The following NRXN1 variants were observed in gnomAD, a reference collection of about 807,000 sequenced individuals.
The protein encoded by NRXN1 is neurexin-1.
Under a neutral mutation model 150.9 loss-of-function variants are expected in NRXN1, and 39 were observed. The observed-to-expected ratio is 0.26, with a 90% confidence interval of 0.20 to 0.34. NRXN1 has a LOEUF of 0.34. NRXN1 is among the 10% of genes least tolerant of loss of function. The pLI is 1.00. For missense variants in NRXN1, 1,815 were observed against 1,949.9 expected (o/e 0.93, Z 1.30); for synonymous variants, 924 against 757.0 (o/e 1.22, Z -3.62).
intron 5 of NRXN1, among the ~76,000 whole-genome samples, chr2:50,889,532 C>A (rs1446888180): frequency 6.6e-6 from 1 of 151,682 alleles, no homozygotes; most frequent in Non-Finnish European, 1.5e-5. Flanking sequence ...ATCTGTTTAA[C>A]CTCAAATTCA....
chr2:50,368,738 G>C (rs560419528), intron 17 of NRXN1, among the ~76,000 whole-genome samples: 159 of 152,030 alleles, frequency 1.0e-3, no homozygotes, highest in Non-Finnish European at 1.5e-3. Context: ...TATTGGCCTT[G>C]AAACTATAGG....
chr2:50,550,737 C>T (rs1349335612), intron 9 of NRXN1, among the ~76,000 whole-genome samples: 2 of 148,538 alleles, frequency 1.3e-5, no homozygotes, highest in African/African-American at 5.1e-5. Flanking sequence ...GCTGGAGTGC[C>T]GCGGCCCGAT....
Position 50,636,488 on chromosome 2 carries a change from C to T in NRXN1, c.833-12873G>A, listed in dbSNP as rs1683262187. On this transcript the variant is annotated intron_variant, in intron 5 of 22. Coordinates refer to ENST00000401669, the MANE Select transcript of NRXN1 (RefSeq NM_001330078.2). ...CTCGATTTATTGAGCCACTGTTTCACTGATTCATTCAATAAACATTTATTG... is the reference window on the plus strand; with the variant it reads ...CTCGATTTATTGAGCCACTGTTTCATTGATTCATTCAATAAACATTTATTG... Among the ~76,000 whole-genome samples the T allele has an allele frequency of 2.6e-5, 4 of 152,154 alleles. No individual in the cohort carries two copies. The South Asian group carries it at 8.3e-4, about 32-fold the overall frequency.
In NRXN1 at chr2:50,053,634, A is replaced by G. The variant is rs373384900; in HGVS notation, c.3809-44T>C. 1.8e-5 allele frequency: 28 copies of G among 1,576,290 alleles called. No homozygotes were observed. In the African/African-American group the frequency reaches 2.2e-4, roughly 12 times the overall value. On this transcript the variant is annotated intron_variant, in intron 20 of 22. Transcript: ENST00000401669. Reference sequence around the variant, plus strand: ...ATACATGCAAAAATGTTGATTGTGAACTCTATATCTACAATGGATGATAAA... The same window carrying G: ...ATACATGCAAAAATGTTGATTGTGAGCTCTATATCTACAATGGATGATAAA...
intron 17 of NRXN1, among the ~76,000 whole-genome samples, chr2:50,337,411 G>C (rs116619057): frequency 0.035 from 5,252 of 152,186 alleles, 229 homozygotes; most frequent in East Asian, 0.11. Context: ...TAATTGGCCT[G>C]CTTGGGTTTG....
intron 21 of NRXN1, among the ~76,000 whole-genome samples, chr2:50,022,498 A>C (rs1687720907): frequency 6.6e-6 from 1 of 152,210 alleles, no homozygotes; most frequent in Non-Finnish European, 1.5e-5. Flanking sequence ...ATAATATAAA[A>C]AGATATAAAT....
chr2:50,384,586 G>GTCCCCTTC (rs1435438855), intron 17 of NRXN1, among the ~76,000 whole-genome samples: 1 of 144,880 alleles, frequency 6.9e-6, no homozygotes, highest in South Asian at 2.2e-4. Context: ...GTTGCTGATT[G>GTCCCCTTC]TCCCCTTCTC....
intron 5 of NRXN1, among the ~76,000 whole-genome samples, chr2:50,811,490 G>T (rs1343774446): frequency 2.0e-5 from 3 of 152,206 alleles, no homozygotes; most frequent in African/African-American, 7.2e-5. Flanking sequence ...CAACTTAGGT[G>T]GGTGTGTTTT....
chr2:50,770,227 CAG>C (rs1306861306), intron 5 of NRXN1, among the ~76,000 whole-genome samples: 1 of 152,036 alleles, frequency 6.6e-6, no homozygotes, highest in Non-Finnish European at 1.5e-5. Context: ...TCTGAGAAAA[CAG>C]AGTCTATTTT....
At chr2:50,910,705 G>C (rs1174574554) in intron 5 of NRXN1, among the ~76,000 whole-genome samples, 1 of 151,892 alleles carries the variant, frequency 6.6e-6, no homozygotes, top group Non-Finnish European at 1.5e-5. Flanking sequence ...TAAATATTAG[G>C]TATAATGGTG....
At chr2:50,533,507 C>A (rs1483860425) in intron 10 of NRXN1, among the ~76,000 whole-genome samples, 1 of 152,148 alleles carries the variant, frequency 6.6e-6, no homozygotes, top group Non-Finnish European at 1.5e-5. Flanking sequence ...AATCCATTTG[C>A]AAGTCTGCAA....
chr2:50,566,486 C>A (rs1669885991), intron 8 of NRXN1, among the ~76,000 whole-genome samples: 2 of 150,796 alleles, frequency 1.3e-5, no homozygotes, highest in Non-Finnish European at 2.9e-5. Flanking sequence ...AATGCATGAC[C>A]TCTGGTGATC....
intron 17 of NRXN1, among the ~76,000 whole-genome samples, chr2:50,373,773 T>C (rs1256311835): frequency 6.6e-6 from 1 of 151,444 alleles, no homozygotes; most frequent in Non-Finnish European, 1.5e-5. Flanking sequence ...TCCTGGGGAG[T>C]AGGGGTTACT....
intron 17 of NRXN1, among the ~76,000 whole-genome samples, chr2:50,445,999 G>A (rs188865709): frequency 4.6e-5 from 7 of 151,986 alleles, no homozygotes; most frequent in Non-Finnish European, 1.0e-4. Flanking sequence ...GCAAGGCCTG[G>A]TTTAAGTTAT....
At chr2:50,220,806 T>C (rs1167763781) in intron 18 of NRXN1, among the ~76,000 whole-genome samples, 3 of 152,002 alleles carry the variant, frequency 2.0e-5, no homozygotes, top group Non-Finnish European at 4.4e-5. Context: ...CTCCAAAGAA[T>C]TGATCCTCAG....
chr2:50,438,391 C>T (rs1003947412), intron 17 of NRXN1, among the ~76,000 whole-genome samples: 7 of 152,174 alleles, frequency 4.6e-5, no homozygotes, highest in African/African-American at 1.7e-4. Flanking sequence ...TTGCTTCTAG[C>T]CTGTCCAGGA....
chr2:50,790,243 C>T (rs1472343231), intron 5 of NRXN1, among the ~76,000 whole-genome samples: 1 of 152,160 alleles, frequency 6.6e-6, no homozygotes, highest in Non-Finnish European at 1.5e-5. Flanking sequence ...CACTTATCCA[C>T]TCTGTTCATC....
intron 5 of NRXN1, among the ~76,000 whole-genome samples, chr2:50,712,424 G>A (rs1646395466): frequency 1.3e-5 from 2 of 152,228 alleles, no homozygotes; most frequent in South Asian, 4.1e-4. Flanking sequence ...AAGCTCTCCT[G>A]TATCAGTGTA....
chr2:50,227,720 G>A (rs1050982940), intron 18 of NRXN1, among the ~76,000 whole-genome samples: 9 of 151,926 alleles, frequency 5.9e-5, no homozygotes, highest in African/African-American at 1.7e-4. Context: ...TAGTTAGAAG[G>A]CTATTGCAAC....
Sources: allele counts gnomAD v4.1 joint callset (sites outside exome capture counted in the v4.1 genomes callset), GRCh38; gene constraint gnomAD v4.1.1; transcripts MANE v1.5; gene names NCBI Gene and HGNC (gene_info 2026-07-23, HGNC 2026-07-21).